CSMD3: variants seen among roughly 807,000 people sequenced by gnomAD.
CSMD3 encodes the protein CUB and Sushi multiple domains 3, also known as CUB and sushi domain-containing protein 3.
A neutral mutation model predicts 435.2 loss-of-function variants in CSMD3; 177 were observed. That is an observed-to-expected ratio of 0.41 (90% CI 0.36 to 0.46). CSMD3 has a LOEUF of 0.46. Ranked by LOEUF, CSMD3 falls within the 20% of genes least tolerant of loss-of-function variation. The pLI is 0.34. For synonymous variants in CSMD3, 1,656 were observed against 1,520.5 expected (o/e 1.09, Z -2.07); for missense variants, 4,265 against 4,504.6 (o/e 0.95, Z 1.52).
rs373704424 is a variant in CSMD3, at chr8:112,552,551, C to T, written c.4361+43G>A. ...ATTTTATATAGGGGTTGGTTAGGCA[C>T]TTCAGATTCCCTAGTAATGTTGAGA... is the stretch of plus-strand genomic sequence containing the variant. On this transcript the variant is annotated intron_variant, in intron 26 of 70. Coordinates refer to ENST00000297405, the MANE Select transcript of CSMD3 (RefSeq NM_198123.2). 6.2e-4 allele frequency: 988 copies of T among 1,594,700 alleles called. 2 individuals are homozygous for T. Among genetic ancestry groups the T allele is most frequent in the Non-Finnish European group, 7.1e-4 (824 of 1,166,042 alleles).
intron 32 of CSMD3, among the ~76,000 whole-genome samples, chr8:112,468,734 T>G (rs1818224011): frequency 6.6e-6 from 1 of 151,994 alleles, no homozygotes; most frequent in African/African-American, 2.4e-5. Context: ...GAAGAAAAAT[T>G]AAATATATTT....
At chr8:112,846,847 G>A (rs960168463) in intron 11 of CSMD3, among the ~76,000 whole-genome samples, 5 of 151,952 alleles carry the variant, frequency 3.3e-5, no homozygotes, top group African/African-American at 1.2e-4. Context: ...CATTGGTAGG[G>A]GTTAGGAATA....
intron 32 of CSMD3, among the ~76,000 whole-genome samples, chr8:112,434,710 C>G (rs1003029855): frequency 1.3e-5 from 2 of 152,072 alleles, no homozygotes; most frequent in East Asian, 1.9e-4. Flanking sequence ...AGAAAGGAAC[C>G]ATCAATGTGT....
In CSMD3 at chr8:112,408,353, G is replaced by T. The variant is rs201747655; in HGVS notation, c.5570C>A (p.Pro1857Gln). Residue 1857 changes from proline (P) to glutamine (Q), a missense_variant, in exon 34 of 71, where the codon CCA (proline) becomes CAA (glutamine). Pro to Gln is a moderately conservative substitution (Grantham distance 76). Around this residue, in one of 3 missense-constraint regions of CSMD3, gnomAD observed 3,255 missense variants for 3,380.2 expected, o/e 0.96. Transcript: ENST00000297405. ...AAAGTGAAATCCCTTAGCTGTTATT[G>T]GTCCAACTGAAGTAAATCGAATTGT... is the stretch of plus-strand genomic sequence containing the variant. ...QITIRFTSVG[P>Q]ITAKGFHFVY... 2 of 1,611,006 alleles carry T rather than the reference G, an allele frequency of 1.2e-6. No homozygotes were observed. The highest frequency in any genetic ancestry group is 1.3e-5 in the African/African-American group (1 of 74,792).
chr8:113,088,288 G>A (rs2089875218), intron 5 of CSMD3, among the ~76,000 whole-genome samples: 4 of 151,272 alleles, frequency 2.6e-5, no homozygotes, highest in Admixed American at 2.0e-4. Context: ...CAACCATTGT[G>A]GAAGTCAGTG....
intron 7 of CSMD3, 57 bp from the exon 8 acceptor site, chr8:112,954,818 T>C: frequency 9.2e-7 from 1 of 1,083,508 alleles, no homozygotes; most frequent in Admixed American, 1.8e-5. Flanking sequence ...AAAATGAAAT[T>C]CAAGTTAACA....
At chr8:112,358,075 AC>A (rs758924436) in intron 38 of CSMD3, among the ~76,000 whole-genome samples, 2 of 152,186 alleles carry the variant, frequency 1.3e-5, no homozygotes, top group Non-Finnish European at 2.9e-5. Flanking sequence ...GAGGGAACCT[AC>A]CTCTTACATC....
At chr8:112,481,199 GAAGAA>G in intron 31 of CSMD3, among the ~76,000 whole-genome samples, 1 of 152,216 alleles carries the variant, frequency 6.6e-6, no homozygotes, top group Non-Finnish European at 1.5e-5. Flanking sequence ...AAGAATAGAA[GAAGAA>G]AAGAAGAAGG....
chr8:112,690,135 T>G, intron 13 of CSMD3, 85 bp from the exon 14 acceptor site: 1 of 991,910 alleles, frequency 1.0e-6, no homozygotes, highest in South Asian at 1.3e-5. Flanking sequence ...TATATGCTCT[T>G]TGTTGTGGAG....
intron 49 of CSMD3, among the ~76,000 whole-genome samples, chr8:112,311,694 G>A (rs565079541): frequency 6.6e-5 from 10 of 152,186 alleles, no homozygotes; most frequent in East Asian, 3.9e-4. Flanking sequence ...TGTCAAGAGC[G>A]TTTACATATT....
chr8:112,865,362 C>A (rs772639665), intron 10 of CSMD3, among the ~76,000 whole-genome samples: 1 of 152,038 alleles, frequency 6.6e-6, no homozygotes, highest in African/African-American at 2.4e-5. Context: ...TGTTGTCTCT[C>A]GGTCCACTGT....
chr8:112,871,380 A>G (rs535184142), intron 10 of CSMD3, among the ~76,000 whole-genome samples: 1 of 152,326 alleles, frequency 6.6e-6, no homozygotes, highest in South Asian at 2.1e-4. Flanking sequence ...ACCTAGGAAG[A>G]AAGAAAATAC....
intron 5 of CSMD3, among the ~76,000 whole-genome samples, chr8:113,045,042 C>T (rs983747339): frequency 1.3e-5 from 2 of 148,876 alleles, no homozygotes; most frequent in Non-Finnish European, 3.0e-5. Context: ...TTTATATTGC[C>T]TCTATTTTAT....
chr8:113,161,775 A>G (rs1213289741), intron 4 of CSMD3, among the ~76,000 whole-genome samples: 2 of 152,172 alleles, frequency 1.3e-5, no homozygotes, highest in Non-Finnish European at 2.9e-5. Context: ...ATTGTTCAAA[A>G]TATCTTTGAA....
chr8:112,578,947 C>T (rs879387988), intron 23 of CSMD3, among the ~76,000 whole-genome samples: 2 of 151,986 alleles, frequency 1.3e-5, no homozygotes, highest in African/African-American at 4.8e-5. Context: ...ATAAAATATA[C>T]AATATTCATG....
chr8:112,948,879 G>A (rs2083707056), intron 8 of CSMD3, among the ~76,000 whole-genome samples: 1 of 151,872 alleles, frequency 6.6e-6, no homozygotes. Context: ...TAAATCTATG[G>A]TAGGACTCTG....
At chr8:112,773,016 A>G (rs2078160200) in intron 13 of CSMD3, among the ~76,000 whole-genome samples, 1 of 151,936 alleles carries the variant, frequency 6.6e-6, no homozygotes, top group Admixed American at 6.6e-5. Context: ...GGTCCTCCAC[A>G]TGCTGAGTCC....
chr8:112,269,360 T>C (rs1172467741), intron 59 of CSMD3, among the ~76,000 whole-genome samples: 1 of 152,198 alleles, frequency 6.6e-6, no homozygotes, highest in Non-Finnish European at 1.5e-5. Context: ...CTGGACCTGA[T>C]TAAAGATGGT....
chr8:112,666,502 GTC>G lies in CSMD3; in HGVS notation c.2678-89_2678-88del, dbSNP rs1189028272. 7 of 1,146,994 alleles carry G rather than the reference GTC, an allele frequency of 6.1e-6. No homozygotes were observed. In the African/African-American group the frequency reaches 9.2e-5, roughly 15 times the overall value. The allele number at this position is 1,146,994 out of a possible 1,614,324, so 71.1% of individuals were successfully genotyped here. A position where few individuals can be genotyped will look rare whatever the true frequency, so the allele number is the denominator to read the frequency against. On this transcript the variant is annotated intron_variant, in intron 16 of 70. Transcript: ENST00000297405. ...TTAATACAAACAATTTCAAAAACAA[GTC>G]TCTGCATATCCTTATTAAATAGTTA...
Sources: allele counts gnomAD v4.1 joint callset (sites outside exome capture counted in the v4.1 genomes callset), GRCh38; gene constraint gnomAD v4.1.1; regional missense constraint gnomAD v4.1.1; transcripts MANE v1.5; gene names NCBI Gene and HGNC (gene_info 2026-07-23, HGNC 2026-07-21).